The following SPTLC1 variants were observed in gnomAD, a reference collection of about 807,000 sequenced individuals.
SPTLC1 encodes serine palmitoyltransferase long chain base subunit 1, also known as serine palmitoyltransferase 1.
In SPTLC1, 55 loss-of-function variants were observed where a neutral mutation model predicts 68.9. The ratio of observed to expected loss-of-function variants is 0.80; its 90% CI spans 0.64 to 1.00. SPTLC1 has a LOEUF of 1.00. Among genes scored for constraint, SPTLC1 ranks in the 50% least tolerant of loss-of-function variants. The pLI, the probability that SPTLC1 is intolerant of heterozygous loss-of-function variation, is 0.00. For synonymous variants in SPTLC1, 197 were observed against 201.6 expected, an observed-to-expected ratio of 0.98 and a Z score of 0.19; for missense variants, 449 against 573.1, an observed-to-expected ratio of 0.78 and a Z score of 2.21.
At chr9:92,098,995 A>G (rs1189186359) in intron 3 of SPTLC1, among the ~76,000 whole-genome samples, 1 of 152,230 alleles carries the variant, frequency 6.6e-6, no homozygotes, top group Non-Finnish European at 1.5e-5. Flanking sequence ...AGAACCAATC[A>G]AGTAACCAAA....
intron 6 of SPTLC1, among the ~76,000 whole-genome samples, 153 bp from the exon 7 acceptor site, chr9:92,059,461 T>G (rs1834011771): frequency 6.6e-6 from 1 of 152,238 alleles, no homozygotes; most frequent in Non-Finnish European, 1.5e-5. Context: ...TACATCATTG[T>G]TTGCTCTTCA....
At chr9:92,051,920 C>G (rs1215330003) in intron 8 of SPTLC1, among the ~76,000 whole-genome samples, 2 of 152,058 alleles carry the variant, frequency 1.3e-5, no homozygotes, top group Non-Finnish European at 2.9e-5. Context: ...GACGTATATA[C>G]TAAAAATCAC....
At chr9:92,048,224 T>A (rs1249172664) in intron 9 of SPTLC1, among the ~76,000 whole-genome samples, 1 of 152,198 alleles carries the variant, frequency 6.6e-6, no homozygotes, top group Non-Finnish European at 1.5e-5. Flanking sequence ...CAGAAGAACC[T>A]AATGTGCTCT....
chr9:92,092,178 A>G (rs1447003403), intron 3 of SPTLC1, among the ~76,000 whole-genome samples: 1 of 152,236 alleles, frequency 6.6e-6, no homozygotes, highest in Non-Finnish European at 1.5e-5. Context: ...CTTGAATAAA[A>G]GGAATATATA....
intron 3 of SPTLC1, chr9:92,108,416 A>G (rs2118824927): frequency 3.0e-6 from 1 of 335,380 alleles, no homozygotes; most frequent in Non-Finnish European, 5.8e-6. Flanking sequence ...ACGTGCGACA[A>G]ATTTAAAATC....
intron 3 of SPTLC1, among the ~76,000 whole-genome samples, chr9:92,088,372 C>A (rs1320597701): frequency 6.6e-6 from 1 of 152,268 alleles, no homozygotes; most frequent in Non-Finnish European, 1.5e-5. Flanking sequence ...CGGAGCTGTT[C>A]CTATTCGGCT....
chr9:92,036,351 C>T (rs1375110461), intron 13 of SPTLC1, among the ~76,000 whole-genome samples: 2 of 152,164 alleles, frequency 1.3e-5, no homozygotes, highest in Admixed American at 6.5e-5. Context: ...ATTTTAACAC[C>T]GAGTTGCTTC....
intron 8 of SPTLC1, among the ~76,000 whole-genome samples, chr9:92,051,994 T>C (rs1182321130): frequency 6.6e-6 from 1 of 152,208 alleles, no homozygotes; most frequent in Non-Finnish European, 1.5e-5. Flanking sequence ...ACTGGAAGAC[T>C]TAATATCATT....
chr9:92,067,309 A>G (rs1041301128), intron 6 of SPTLC1, among the ~76,000 whole-genome samples: 15 of 151,594 alleles, frequency 9.9e-5, no homozygotes, highest in African/African-American at 3.7e-4. Flanking sequence ...ACACACAAAA[A>G]AAAAAAAAAC....
chr9:92,107,994 T>C (rs1336917929), intron 3 of SPTLC1: 1 of 152,228 alleles, frequency 6.6e-6, no homozygotes, highest in East Asian at 1.9e-4. Flanking sequence ...AAGACAGTAG[T>C]TATCCGTATG....
intron 12 of SPTLC1, among the ~76,000 whole-genome samples, chr9:92,040,762 GAA>G (rs111600312): frequency 3.5e-5 from 3 of 85,406 alleles, no homozygotes; most frequent in East Asian, 3.2e-4. Context: ...TGTCTCAAAA[GAA>G]AAAAAAAAAA....
intron 8 of SPTLC1, among the ~76,000 whole-genome samples, chr9:92,053,619 T>C (rs1280400638): frequency 2.0e-5 from 3 of 152,202 alleles, no homozygotes; most frequent in Admixed American, 6.5e-5. Flanking sequence ...TGGTATACAA[T>C]GTTAATGAAC....
At chr9:92,093,418 A>G (rs752095073) in intron 3 of SPTLC1, among the ~76,000 whole-genome samples, 20 of 152,320 alleles carry the variant, frequency 1.3e-4, no homozygotes, top group East Asian at 3.9e-4. Context: ...GCATATTACT[A>G]AAGGCCATAC....
intron 14 of SPTLC1, among the ~76,000 whole-genome samples, chr9:92,033,701 G>A (rs1006388992): frequency 3.3e-5 from 5 of 152,130 alleles, no homozygotes; most frequent in Admixed American, 6.5e-5. Flanking sequence ...GACCACAGGC[G>A]TGCACCACTA....
At chr9:92,069,570 G>A (rs552124823) in intron 5 of SPTLC1, among the ~76,000 whole-genome samples, 1 of 152,286 alleles carries the variant, frequency 6.6e-6, no homozygotes. Context: ...TAGGAGAGAT[G>A]CTATCAGAAA....
Position 92,059,215 on chromosome 9 carries a change from C to T in SPTLC1, c.654G>A (p.Glu218=), listed in dbSNP as rs369193357. Reference sequence around the variant, plus strand: ...CGATCTCTTGTTCTTTTAGTAGTCGCTCGAGGTCAGCCATGTCATTATGCT... The same window carrying T: ...CGATCTCTTGTTCTTTTAGTAGTCGTTCGAGGTCAGCCATGTCATTATGCT... ...LFKHNDMADL[E]RLLKEQEIED... Residue 218 remains glutamate, a synonymous_variant, in exon 7 of 15, where the codon GAG becomes GAA. Coordinates refer to ENST00000262554, the MANE Select transcript of SPTLC1 (RefSeq NM_006415.4). 6.4e-5 allele frequency: 103 copies of T among 1,613,856 alleles called. No individual in the cohort carries two copies. In the Admixed American group the frequency reaches 1.7e-3, roughly 26 times the overall value.
intron 6 of SPTLC1, among the ~76,000 whole-genome samples, chr9:92,060,804 T>A (rs557412755): frequency 6.8e-6 from 1 of 148,146 alleles, no homozygotes; most frequent in East Asian, 2.0e-4. Flanking sequence ...TCCGGGTTAC[T>A]CGGGAGGCTG....
intron 3 of SPTLC1, chr9:92,108,154 A>G (rs1320040415): frequency 6.4e-6 from 1 of 155,588 alleles, no homozygotes; most frequent in Non-Finnish European, 1.4e-5. Flanking sequence ...TCTGATATCT[A>G]TATCTATATC....
rs1251165721 is a variant in SPTLC1 at position 92,105,681 on chromosome 9, C to A, written c.260+3059G>T. Among the ~76,000 whole-genome samples the A allele has an allele frequency of 2.7e-5, 4 of 150,892 alleles. No individual in the cohort carries two copies. The East Asian group carries it at 7.9e-4, about 30-fold the overall frequency. The stretch of plus-strand genomic sequence containing the variant: ...GCAGTGAGGAGCGCCTCTGCCAGGC[C>A]CCCACCCTCTCTGGGAAGTGACGAG... On this transcript the variant is annotated intron_variant, in intron 3 of 14. Coordinates refer to ENST00000262554, the MANE Select transcript of SPTLC1 (RefSeq NM_006415.4).
Sources: gnomAD v4.1 joint callset for allele counts (sites outside exome capture counted in the v4.1 genomes callset) on GRCh38, gnomAD v4.1.1 for gene constraint, MANE v1.5 for transcripts, NCBI Gene and HGNC (gene_info 2026-07-23, HGNC 2026-07-21) for gene names.